Variants in ACYP2 observed in about 807,000 individuals in gnomAD.
ACYP2 encodes the protein acylphosphatase-2.
In ACYP2, 12 loss-of-function variants were observed where a neutral mutation model predicts 11.2. That is an observed-to-expected ratio of 1.08 (90% CI 0.69 to 1.74). The LOEUF (loss-of-function observed/expected upper bound fraction) is 1.74, where lower values mean the gene tolerates loss of function less well. Among genes scored for constraint, ACYP2 ranks in the 40% most tolerant of loss-of-function variants. The pLI is 0.00. For synonymous variants in ACYP2, 43 were observed against 32.2 expected (o/e 1.33, Z -1.13); for missense variants, 134 against 101.9 (o/e 1.31, Z -1.35).
chr2:54,021,670 C>G (rs977602204), intron 2 of ACYP2, among the ~76,000 whole-genome samples: 12 of 152,318 alleles, frequency 7.9e-5, no homozygotes, highest in Admixed American at 2.6e-4. Flanking sequence ...TAAACATATT[C>G]ATTGCCTCCT....
At chr2:54,254,093 T>C (rs1687364150) in intron 6 of ACYP2, 1 of 152,262 alleles carries the variant, frequency 6.6e-6, no homozygotes, top group South Asian at 2.1e-4. Flanking sequence ...TGAGAAAGCC[T>C]GGTACTTGTC....
chr2:54,288,853 T>A (rs1211144787), intron 6 of ACYP2, among the ~76,000 whole-genome samples: 1 of 151,982 alleles, frequency 6.6e-6, no homozygotes, highest in African/African-American at 2.4e-5. Flanking sequence ...TCTGGATGAT[T>A]GCCAAGTCCA....
intron 6 of ACYP2, among the ~76,000 whole-genome samples, chr2:54,277,780 A>C (rs1688669249): frequency 6.6e-6 from 1 of 152,180 alleles, no homozygotes; most frequent in African/African-American, 2.4e-5. Context: ...TCATTATTTC[A>C]GTTCTATATT....
intron 2 of ACYP2, among the ~76,000 whole-genome samples, chr2:53,999,955 G>C (rs1025143493): frequency 2.0e-5 from 3 of 152,036 alleles, no homozygotes; most frequent in Admixed American, 6.6e-5. Context: ...TTAATGTTCA[G>C]AATTCATCAT....
At chr2:54,161,097 G>T (rs1390525171) in intron 6 of ACYP2, among the ~76,000 whole-genome samples, 1 of 152,158 alleles carries the variant, frequency 6.6e-6, no homozygotes, top group East Asian at 1.9e-4. Context: ...TTCCAGCAGT[G>T]TGAGTTCATA....
At chr2:54,012,044 TG>T (rs1673402661) in intron 2 of ACYP2, among the ~76,000 whole-genome samples, 1 of 152,088 alleles carries the variant, frequency 6.6e-6, no homozygotes, top group African/African-American at 2.4e-5. Flanking sequence ...GAGACCAGCT[TG>T]GCCAACATGG....
intron 4 of ACYP2, among the ~76,000 whole-genome samples, chr2:54,130,521 G>C (rs146062445): frequency 5.3e-5 from 8 of 152,286 alleles, no homozygotes; most frequent in Middle Eastern, 3.4e-3. Context: ...AAACCATGTT[G>C]GGTGCTTTAT....
chr2:53,999,570 C>T (rs534808019), intron 2 of ACYP2, among the ~76,000 whole-genome samples: 2 of 152,260 alleles, frequency 1.3e-5, no homozygotes, highest in African/African-American at 4.8e-5. Context: ...AGCACCCTTC[C>T]AGGATGAAGC....
At chr2:54,240,166 G>C (rs1433917017) in intron 6 of ACYP2, among the ~76,000 whole-genome samples, 1 of 152,184 alleles carries the variant, frequency 6.6e-6, no homozygotes, top group Non-Finnish European at 1.5e-5. Flanking sequence ...GTAGCACTGA[G>C]AATGCCCATA....
intron 4 of ACYP2, among the ~76,000 whole-genome samples, chr2:54,088,355 T>C (rs1678048024): frequency 1.3e-5 from 2 of 151,948 alleles, no homozygotes; most frequent in African/African-American, 2.4e-5. Flanking sequence ...TGGATTACTG[T>C]GAAATGGGTC....
intron 2 of ACYP2, among the ~76,000 whole-genome samples, chr2:54,022,175 C>T (rs10084374): frequency 0.46 from 69,456 of 151,668 alleles, 16,089 homozygotes; most frequent in South Asian, 0.54. Flanking sequence ...CTCCTTCCCT[C>T]CTTCCCTTCT....
chr2:54,005,605 C>T (rs921297309), intron 2 of ACYP2, among the ~76,000 whole-genome samples: 2 of 152,212 alleles, frequency 1.3e-5, no homozygotes, highest in Non-Finnish European at 2.9e-5. Context: ...TCCCAAAGTG[C>T]TGGGATTACA....
intron 2 of ACYP2, among the ~76,000 whole-genome samples, chr2:53,993,938 C>T (rs1337545456): frequency 6.6e-6 from 1 of 152,114 alleles, no homozygotes; most frequent in Non-Finnish European, 1.5e-5. Context: ...GTAATCCCAG[C>T]GCTTTGGGAG....
chr2:54,106,718 G>T (rs1679186148), intron 4 of ACYP2, among the ~76,000 whole-genome samples: 1 of 152,030 alleles, frequency 6.6e-6, no homozygotes, highest in African/African-American at 2.4e-5. Context: ...TGAGTAGCTG[G>T]GATTATAGGT....
At chr2:54,205,085 G>A (rs3912428) in intron 6 of ACYP2, among the ~76,000 whole-genome samples, 35,719 of 152,034 alleles carry the variant, frequency 0.23, 4,352 homozygotes, top group East Asian at 0.39. Flanking sequence ...TGTAAAAGTT[G>A]CCTATCTCTC....
intron 6 of ACYP2, among the ~76,000 whole-genome samples, chr2:54,168,241 A>G (rs1201274900): frequency 1.3e-5 from 2 of 152,114 alleles, no homozygotes; most frequent in Non-Finnish European, 2.9e-5. Context: ...CCTGGCCAAC[A>G]TGGTGAAACC....
intron 4 of ACYP2, chr2:54,065,635 A>G (rs968954780): frequency 5.0e-6 from 2 of 397,138 alleles, no homozygotes; most frequent in Admixed American, 8.8e-5. Flanking sequence ...ATTTTAGAGA[A>G]GCCAGAATTG....
intron 2 of ACYP2, among the ~76,000 whole-genome samples, chr2:54,035,024 A>AAAAAAAAAAAAAAAAAAAAAAAAAAAAC (rs1558484917): frequency 7.2e-6 from 1 of 138,344 alleles, no homozygotes; most frequent in Non-Finnish European, 1.6e-5. Context: ...AAAAAAAAAA[A>AAAAAAAAAAAAAAAAAAAAAAAAAAAAC]AAAAAAAAGC....
Position 54,053,746 on chromosome 2 carries a change from C to T in ACYP2, c.155+2696C>T, listed in dbSNP as rs113040537. On this transcript the variant is annotated intron_variant, in intron 3 of 6. Transcript: ENST00000607452. ...TCCTTTTTTGGAACTTTCCCTCAGT[C>T]CTACAGCAGTGTTTAGAGCTTTCAT... Among the ~76,000 whole-genome samples, 1,086 of 152,344 alleles carry T rather than the reference C, an allele frequency of 7.1e-3. 21 individuals are homozygous for T. The highest frequency in any genetic ancestry group is 0.025 in the African/African-American group (1,039 of 41,584).
Sources: gnomAD v4.1 joint callset for allele counts (sites outside exome capture counted in the v4.1 genomes callset) on GRCh38, gnomAD v4.1.1 for gene constraint, MANE v1.5 for transcripts, NCBI Gene and HGNC (gene_info 2026-07-23, HGNC 2026-07-21) for gene names.